LZTS1: variants seen among roughly 807,000 people sequenced by gnomAD.
LZTS1 encodes the protein leucine zipper putative tumor suppressor 1.
LZTS1 carries 31 observed loss-of-function variants against 45.8 expected under a neutral mutation model. That is an observed-to-expected ratio of 0.68 (90% confidence interval 0.51 to 0.91). LZTS1 has a LOEUF of 0.91. Among genes scored for constraint, LZTS1 ranks in the 40% least tolerant of loss-of-function variants. The pLI is 0.00. For missense variants in LZTS1, 821 were observed against 788.9 expected (o/e 1.04, Z -0.49); for synonymous variants, 359 against 357.3 (o/e 1.00, Z -0.05).
intron 2 of LZTS1, among the ~76,000 whole-genome samples, chr8:20,254,612 C>G (rs946406241): frequency 6.6e-6 from 1 of 152,186 alleles, no homozygotes; most frequent in Non-Finnish European, 1.5e-5. Flanking sequence ...ATGGCCTGAC[C>G]CAAGACTTCT....
In LZTS1 at chr8:20,249,301, T is replaced by G. The variant is rs1168889982; in HGVS notation, c.*421A>C. ...TCCAAGGCTTCTGGTCATATATGGC[T>G]TCTTTCTATTTCCAAGGCATTCCAA... On this transcript the variant is annotated 3_prime_UTR_variant, in exon 4 of 4. Coordinates refer to ENST00000381569, the MANE Select transcript of LZTS1 (RefSeq NM_021020.5). The G allele has an allele frequency of 6.0e-6, 1 of 167,428 alleles. No homozygotes were observed. The highest frequency in any genetic ancestry group is 1.3e-5 in the Non-Finnish European group (1 of 77,068). 10.4% of individuals were successfully genotyped at this position (167,428 alleles called of 1,614,324 possible). A position where few individuals can be genotyped will look rare whatever the true frequency, so the allele number is the denominator to read the frequency against.
In LZTS1 at chr8:20,253,497, G is replaced by T. The variant is rs780258748; in HGVS notation, c.434C>A (p.Ala145Asp). 5 of 1,584,324 alleles carry T rather than the reference G, an allele frequency of 3.2e-6. No individual in the cohort carries two copies. The highest frequency in any genetic ancestry group is 4.3e-6 in the Non-Finnish European group (5 of 1,167,254). The change falls in exon 3 of 4, where the codon GCC becomes GAC. Residue 145 changes from alanine (A) to aspartate (D), a missense_variant. By Grantham distance (126) the Ala-to-Asp change is moderately radical. Transcript: ENST00000381569. Reference protein sequence around the residue: ...GAILHSSPESASHQLHPAPPD... With the variant: ...GAILHSSPESDSHQLHPAPPD... ...AGGGGCGGGGTGCAGCTGGTGGCTG[G>T]CACTCTCCGGGGAGGAGTGCAGGAT...
rs529749634 is a variant in LZTS1, at chr8:20,249,645, T to G, written c.*77A>C. On this transcript the variant is annotated 3_prime_UTR_variant, in exon 4 of 4. Coordinates refer to ENST00000381569, the MANE Select transcript of LZTS1 (RefSeq NM_021020.5). ...TGGCGTCTCTCAGAGGGGTCTGAATTGCTGAGCAGGGGGGATGCACGGGAG... is the reference window on the plus strand; with the variant it reads ...TGGCGTCTCTCAGAGGGGTCTGAATGGCTGAGCAGGGGGGATGCACGGGAG... 2.5e-3 allele frequency: 3,813 copies of G among 1,518,456 alleles called. 8 individuals carry two copies. Among genetic ancestry groups the G allele is most frequent in the Non-Finnish European group, 3.2e-3 (3,627 of 1,133,922 alleles). 94.1% of individuals were successfully genotyped at this position (1,518,456 alleles called of 1,614,324 possible).
intron 1 of LZTS1, among the ~76,000 whole-genome samples, chr8:20,269,395 G>A (rs780194956): frequency 5.3e-5 from 8 of 152,204 alleles, no homozygotes; most frequent in Non-Finnish European, 1.0e-4. Context: ...ATGGGACTCT[G>A]GAGGCCAGCA....
intron 1 of LZTS1, among the ~76,000 whole-genome samples, chr8:20,283,470 C>T (rs555895913): frequency 3.9e-5 from 6 of 152,196 alleles, no homozygotes; most frequent in Admixed American, 3.3e-4. Context: ...GTGAGAAATA[C>T]ATTTCTGCTG....
In LZTS1 at chr8:20,255,225, G is replaced by A; in HGVS notation, c.-44C>T. 6.4e-7 allele frequency: 1 copy of A among 1,570,956 alleles called. No individual in the cohort carries two copies. The highest frequency in any genetic ancestry group is 2.2e-5 in the East Asian group (1 of 44,472). On this transcript the variant is annotated 5_prime_UTR_variant, in exon 2 of 4. The change creates a premature stop within an existing upstream ORF in the 5' untranslated region. Coordinates refer to ENST00000381569, the MANE Select transcript of LZTS1 (RefSeq NM_021020.5). ...ATGGGGCAGGGCCGGGCAGGGTCTT[G>A]GAAAGGCTGTGGCAGCAAGGGGCAG...
At position 20,250,374 on chromosome 8, in the gene LZTS1, TG is replaced by T; in HGVS notation, c.1150-12del. 1 of 1,582,468 alleles carries T rather than the reference TG, an allele frequency of 6.3e-7. No individual in the cohort carries two copies. ...TGACTTCTGGCACACCTGCCGAGGG[TG>T]GGGTGGAGACAGAGTGCCAAGAGGT... On this transcript the variant is annotated splice_polypyrimidine_tract_variant and intron_variant, in intron 3 of 3. Transcript: ENST00000381569.
intron 1 of LZTS1, among the ~76,000 whole-genome samples, chr8:20,268,328 C>A (rs543580357): frequency 2.0e-5 from 3 of 151,770 alleles, no homozygotes; most frequent in Admixed American, 2.0e-4. Context: ...GCCAGCTCCC[C>A]AGCAGAGGTC....
chr8:20,275,135 C>T (rs985929007), intron 1 of LZTS1, among the ~76,000 whole-genome samples: 1 of 152,160 alleles, frequency 6.6e-6, no homozygotes, highest in African/African-American at 2.4e-5. Flanking sequence ...GGCGCCATGG[C>T]TCAAGCCTGT....
At chr8:20,273,492 C>A (rs143145629) in intron 1 of LZTS1, among the ~76,000 whole-genome samples, 1 of 152,316 alleles carries the variant, frequency 6.6e-6, no homozygotes, top group East Asian at 1.9e-4. Flanking sequence ...TTCATTCTCT[C>A]TTGCTTGCCA....
chr8:20,289,001 T>TTTC (rs1383713058), intron 1 of LZTS1, among the ~76,000 whole-genome samples: 1 of 151,040 alleles, frequency 6.6e-6, no homozygotes, highest in East Asian at 1.9e-4. Flanking sequence ...TTTTTTTTTT[T>TTTC]TTTTTTAGAC....
At chr8:20,267,717 A>G (rs529467193) in intron 1 of LZTS1, among the ~76,000 whole-genome samples, 1 of 152,154 alleles carries the variant, frequency 6.6e-6, no homozygotes, top group African/African-American at 2.4e-5. Flanking sequence ...GGGTTTCACC[A>G]TGTTGGCCAG....
chr8:20,281,931 G>A (rs1209124474), intron 1 of LZTS1, among the ~76,000 whole-genome samples: 2 of 152,162 alleles, frequency 1.3e-5, no homozygotes, highest in East Asian at 3.9e-4. Flanking sequence ...GAAGGATGGA[G>A]CTATCATTAT....
rs1437783453 is a variant in LZTS1 at position 20,252,777 on chromosome 8, C to T, written c.1149+5G>A. ...CCCAAACCCATGAGCCCTGTGTGGC[C>T]TCACCTCCCACTGGGTCTCCTCCAG... is the stretch of plus-strand genomic sequence containing the variant. On this transcript the variant is annotated splice_donor_5th_base_variant and intron_variant, in intron 3 of 3. Transcript: ENST00000381569. The T allele has an allele frequency of 6.6e-7, 1 of 1,510,398 alleles. No individual in the cohort carries two copies. The highest frequency in any genetic ancestry group is 8.9e-7 in the Non-Finnish European group (1 of 1,129,622). The allele number at this position is 1,510,398 out of a possible 1,614,324, so 93.6% of individuals were successfully genotyped here.
chr8:20,277,819 G>A lies in LZTS1; in HGVS notation c.-134-22504C>T, dbSNP rs115577907. Among the ~76,000 whole-genome samples, 888 of 152,316 alleles carry A rather than the reference G, an allele frequency of 5.8e-3. 7 individuals carry two copies. The highest frequency in any genetic ancestry group is 0.021 in the African/African-American group (864 of 41,556). ...TTGTCAGCCTCCTAGCCATTTCCCA[G>A]TAGGACTTGCTGTGTCTAATGCCAA... On this transcript the variant is annotated intron_variant, in intron 1 of 3. Coordinates refer to ENST00000381569, the MANE Select transcript of LZTS1 (RefSeq NM_021020.5).
chr8:20,257,665 A>G lies in LZTS1; in HGVS notation c.-134-2350T>C, dbSNP rs935744039. ...TACAAACTAATTCTAAGACACCCTT[A>G]AACTTTTTTTTTTTTTTTTTTTGAG... is the stretch of plus-strand genomic sequence containing the variant. On this transcript the variant is annotated intron_variant, in intron 1 of 3. Transcript: ENST00000381569. Among the ~76,000 whole-genome samples the G allele has an allele frequency of 6.4e-5, 9 of 140,688 alleles. No homozygotes were observed. The East Asian group carries it at 1.9e-3, about 30-fold the overall frequency. 92.3% of individuals were successfully genotyped at this position (140,688 alleles called of 152,430 possible). A position where few individuals can be genotyped will look rare whatever the true frequency, so the allele number is the denominator to read the frequency against.
At chr8:20,268,518 G>A (rs533493936) in intron 1 of LZTS1, among the ~76,000 whole-genome samples, 2 of 152,072 alleles carry the variant, frequency 1.3e-5, no homozygotes, top group African/African-American at 2.4e-5. Flanking sequence ...CTCTAGATGA[G>A]GGGGAAAGGG....
chr8:20,256,060 CAAAAAAAA>C (rs386412254), intron 1 of LZTS1, among the ~76,000 whole-genome samples: 29 of 56,462 alleles, frequency 5.1e-4, no homozygotes, highest in African/African-American at 1.8e-3. Flanking sequence ...GGGCCTGACT[CAAAAAAAA>C]AAAAAAAAAA....
chr8:20,254,933 C>G lies in LZTS1; in HGVS notation c.249G>C (p.Thr83=), dbSNP rs140903284. ...CCCCTAAATCCCCGCTGGACAGTGC[C>G]GTGTAATCTGGGTGATGGGAGCCCC... is the stretch of plus-strand genomic sequence containing the variant. The part of the protein sequence containing the change: ...KARGSHHPDY[T]ALSSGDLGGQ... The change falls in exon 2 of 4, where the codon ACG becomes ACC. Residue 83 remains threonine, a synonymous_variant. Coordinates refer to ENST00000381569, the MANE Select transcript of LZTS1 (RefSeq NM_021020.5). The G allele has an allele frequency of 3.7e-6, 6 of 1,614,184 alleles. No individual in the cohort carries two copies. In the Admixed American group the frequency reaches 8.3e-5, roughly 22 times the overall value.
Sources: allele counts gnomAD v4.1 joint callset (sites outside exome capture counted in the v4.1 genomes callset), GRCh38; gene constraint gnomAD v4.1.1; transcripts MANE v1.5; gene names NCBI Gene and HGNC (gene_info 2026-07-23, HGNC 2026-07-21).